Variants in MAMDC4 observed in about 807,000 individuals in gnomAD.
MAMDC4 encodes apical endosomal glycoprotein.
MAMDC4 carries 168 observed loss-of-function variants against 153.3 expected under a neutral mutation model. The ratio of observed to expected loss-of-function variants is 1.10; its 90% CI spans 0.97 to 1.25. The LOEUF (loss-of-function observed/expected upper bound fraction) is 1.25, where lower values mean the gene tolerates loss of function less well. Ranked by LOEUF, MAMDC4 falls within the 50% of genes most tolerant of loss-of-function variation. The pLI, the probability that MAMDC4 is intolerant of heterozygous loss-of-function variation, is 0.00. For synonymous variants in MAMDC4, 744 were observed against 651.5 expected, an observed-to-expected ratio of 1.14 and a Z score of -2.16; for missense variants, 1,701 against 1,542.8, an observed-to-expected ratio of 1.10 and a Z score of -1.72.
At position 136,856,286 on chromosome 9, in the gene MAMDC4, G is replaced by A. The variant is rs755303707; in HGVS notation, c.1720+137G>A. The stretch of plus-strand genomic sequence containing the variant: ...CCTGGCACTAGTTGTGGTGGACAAC[G>A]GCTCCCGGGAGCTGGCATGGCAGGC... On this transcript the variant is annotated intron_variant, in intron 14 of 26. Coordinates refer to ENST00000317446, the MANE Select transcript of MAMDC4 (RefSeq NM_206920.3). The A allele has an allele frequency of 1.1e-5, 15 of 1,391,244 alleles. No homozygotes were observed. The Admixed American group carries it at 1.7e-4, about 16-fold the overall frequency. 86.2% of individuals were successfully genotyped at this position (1,391,244 alleles called of 1,614,324 possible).
Position 136,857,054 on chromosome 9 carries a change from G to A in MAMDC4, c.1972+13G>A, listed in dbSNP as rs572126367. ...GGGCCCCAGATTGGTGAGTGGACCT[G>A]GAAACAGGGCAGAGCCTGTGGGGAG... On this transcript the variant is annotated intron_variant, in intron 16 of 26. Transcript: ENST00000317446. 8.1e-6 allele frequency: 13 copies of A among 1,609,090 alleles called. No individual in the cohort carries two copies. In the South Asian group the frequency reaches 8.8e-5, roughly 11 times the overall value.
chr9:136,853,741 A>G, intron 4 of MAMDC4, 36 bp from the exon 5 acceptor site: 2 of 1,606,274 alleles, frequency 1.2e-6, no homozygotes, highest in Non-Finnish European at 8.5e-7. Flanking sequence ...GGGGACAAGC[A>G]GGGCCGCAGC....
chr9:136,854,617 C>G lies in MAMDC4; in HGVS notation c.875C>G (p.Ala292Gly). 1.2e-6 allele frequency: 2 copies of G among 1,607,668 alleles called. No homozygotes were observed. The highest frequency in any genetic ancestry group is 8.5e-7 in the Non-Finnish European group (1 of 1,177,902). Residue 292 changes from alanine to glycine, a missense_variant, in exon 8 of 27, where the codon GCT (alanine) becomes GGT (glycine). Coordinates refer to ENST00000317446, the MANE Select transcript of MAMDC4 (RefSeq NM_206920.3). ...GAAGGCTGGTCCCGGAACCACCGCG[C>G]TGGTGGTCCTGAGCGCCCCTCCTGG... ...RSEGWSRNHRAGGPERPSWPR... is the reference protein window; with the variant it reads ...RSEGWSRNHRGGGPERPSWPR...
rs1848955746 is a variant in MAMDC4, at chr9:136,853,400, AG to A, written c.274del (p.Ala92ProfsTer51). On this transcript the variant is annotated frameshift_variant, in exon 3 of 27. Transcript: ENST00000317446. LOFTEE classifies it high-confidence loss of function. Reference protein sequence around the residue: ...SGYSWLRDRAGAALEGPGPHS... With the variant: ...SGYSWLRDRAXAALEGPGPHS... ...GCTACAGCTGGCTCCGAGACAGGGC[AG>A]GGGCCGCACTGGAGGGTCCTGGGCC... 1 of 1,605,154 alleles carries A rather than the reference AG, an allele frequency of 6.2e-7. No homozygotes were observed. The highest frequency in any genetic ancestry group is 1.3e-5 in the African/African-American group (1 of 74,782).
At chr9:136,860,154 G>T in intron 26 of MAMDC4, 90 bp downstream of exon 26, 3 of 1,394,696 alleles carry the variant, frequency 2.2e-6, no homozygotes, top group African/African-American at 1.4e-5. Flanking sequence ...ACCCCCCGGG[G>T]AGGAGCCCCC....
Position 136,857,533 on chromosome 9 carries a change from C to T in MAMDC4, c.2273C>T (p.Ser758Leu), listed in dbSNP as rs761301941. 9.9e-6 allele frequency: 16 copies of T among 1,611,224 alleles called. No individual in the cohort carries two copies. Among genetic ancestry groups the T allele is most frequent in the African/African-American group, 2.7e-5 (2 of 74,932 alleles). ...QGLWRRQANA[S>L]GHAAWGPPTD... is the part of the protein sequence containing the mutation. ...CTCTGGAGGCGGCAGGCCAATGCCT[C>T]GGGCCATGCTGCCTGGGGCCCCCCA... The change falls in exon 18 of 27, where the codon TCG becomes TTG. Residue 758 changes from serine (S) to leucine (L), a missense_variant. By Grantham distance (145) the Ser-to-Leu change is moderately radical. Transcript: ENST00000317446.
In MAMDC4 at chr9:136,856,911, C is replaced by CT. The variant is rs368979339; in HGVS notation, c.1845dup (p.Val616CysfsTer117). On this transcript the variant is annotated frameshift_variant, in exon 16 of 27. Transcript: ENST00000317446. LOFTEE classifies it high-confidence loss of function. ...ACAGCCCCATGCCCCCTGCAGGCCA[C>CT]TTTGTGCTCCTGGACCCCACAGACC... 9.1e-5 allele frequency: 147 copies of CT among 1,609,364 alleles called. No homozygotes were observed. In the African/African-American group the frequency reaches 1.7e-3, roughly 19 times the overall value.
At position 136,855,798 on chromosome 9, in the gene MAMDC4, G is replaced by C; in HGVS notation, c.1538G>C (p.Trp513Ser). ...GACGCCAGCGTGGGGCGGCTGCAGTGGCGGCGTGTCTCAGCCCAGGAGAGC... is the reference window on the plus strand; with the variant it reads ...GACGCCAGCGTGGGGCGGCTGCAGTCGCGGCGTGTCTCAGCCCAGGAGAGC... ...WEDASVGRLQ[W>S]RRVSAQESQG... Residue 513 changes from tryptophan (W) to serine (S), a missense_variant, in exon 13 of 27, where the codon TGG becomes TCG. By Grantham distance (177) the Trp-to-Ser change is radical. Coordinates refer to ENST00000317446, the MANE Select transcript of MAMDC4 (RefSeq NM_206920.3). 3.2e-6 allele frequency: 5 copies of C among 1,547,416 alleles called. No homozygotes were observed. The highest frequency in any genetic ancestry group is 4.4e-6 in the Non-Finnish European group (5 of 1,146,490).
Position 136,855,458 on chromosome 9 carries a change from C to T in MAMDC4, c.1310C>T (p.Pro437Leu), listed in dbSNP as rs745869950. 10 of 1,609,324 alleles carry T rather than the reference C, an allele frequency of 6.2e-6. No individual in the cohort carries two copies. The highest frequency in any genetic ancestry group is 8.5e-6 in the Non-Finnish European group (10 of 1,178,502). Residue 437 changes from proline (P) to leucine (L), a missense_variant, in exon 12 of 27, where the codon CCT becomes CTT. Transcript: ENST00000317446. ...GTGTCCACCCTGCAGCCGCTGCCTC[C>T]TGGGCCCCGGGCCCCAGCCCCCCAG... is the stretch of plus-strand genomic sequence containing the variant. ...SEVSTLQPLP[P>L]GPRAPAPQPL... is the part of the protein sequence containing the mutation.
At position 136,853,096 on chromosome 9, in the gene MAMDC4, C is replaced by T. The variant is rs1848949197; in HGVS notation, c.47-6C>T. ...CCAGGCCACCTGGCTGTCAACCTCC[C>T]AGCAGCAGGGTCCTCAGGCTGGGCC... On this transcript the variant is annotated splice_polypyrimidine_tract_variant and splice_region_variant and intron_variant, in intron 1 of 26. Coordinates refer to ENST00000317446, the MANE Select transcript of MAMDC4 (RefSeq NM_206920.3). 2 of 1,611,660 alleles carry T rather than the reference C, an allele frequency of 1.2e-6. No homozygotes were observed. Among genetic ancestry groups the T allele is most frequent in the Admixed American group, 1.7e-5 (1 of 59,938 alleles).
At position 136,858,808 on chromosome 9, in the gene MAMDC4, T is replaced by G. The variant is rs1849045804; in HGVS notation, c.2911T>G (p.Ser971Ala). Reference protein sequence around the residue: ...RSEPLPATPASCLRFWYHMGF... With the variant: ...RSEPLPATPAACLRFWYHMGF... ...CGAGCCTCTGCCGGCCACCCCAGCC[T>G]CCTGCCTCCGCTTCTGGTACCACAT... The change falls in exon 23 of 27, where the codon TCC becomes GCC. Residue 971 changes from serine (S) to alanine (A), a missense_variant. Physicochemically the swap from Ser to Ala is moderately conservative, Grantham distance 99. Transcript: ENST00000317446. The G allele has an allele frequency of 6.2e-7, 1 of 1,610,612 alleles. No homozygotes were observed. The highest frequency in any genetic ancestry group is 2.2e-5 in the East Asian group (1 of 44,816).
At position 136,857,562 on chromosome 9, in the gene MAMDC4, G is replaced by A; in HGVS notation, c.2302G>A (p.Asp768Asn). 1 of 1,612,290 alleles carries A rather than the reference G, an allele frequency of 6.2e-7. No individual in the cohort carries two copies. The highest frequency in any genetic ancestry group is 8.5e-7 in the Non-Finnish European group (1 of 1,179,940). ...SGHAAWGPPTDHTTETAQGHY... is the reference protein window; with the variant it reads ...SGHAAWGPPTNHTTETAQGHY... ...CCATGCTGCCTGGGGCCCCCCAACA[G>A]ACCATACCACTGAGACAGCCCAAGG... Residue 768 changes from aspartate (D) to asparagine (N), a missense_variant, in exon 18 of 27, where the codon GAC becomes AAC. By Grantham distance (23) the Asp-to-Asn change is conservative. Transcript: ENST00000317446.
chr9:136,859,412 C>G, intron 25 of MAMDC4, 95 bp downstream of exon 25: 1 of 1,120,658 alleles, frequency 8.9e-7, no homozygotes, highest in South Asian at 1.5e-5. Context: ...GTCCCAGGAG[C>G]TGCGAGCATG....
rs1223586797 is a variant in MAMDC4, at chr9:136,854,081, G to C, written c.670+5G>C. On this transcript the variant is annotated splice_donor_5th_base_variant and intron_variant, in intron 6 of 26. Transcript: ENST00000317446. ...TCTGGGACTGTGGTCTGCCCAGTAA[G>C]GCACCGCCTCTTCCTGTTCCACCCC... is the stretch of plus-strand genomic sequence containing the variant. The C allele has an allele frequency of 3.7e-6, 6 of 1,612,536 alleles. No homozygotes were observed. Among genetic ancestry groups the C allele is most frequent in the Non-Finnish European group, 5.1e-6 (6 of 1,179,886 alleles).
Position 136,857,676 on chromosome 9 carries a change from G to A in MAMDC4, c.2344G>A (p.Asp782Asn), listed in dbSNP as rs1477020984. 1.2e-6 allele frequency: 2 copies of A among 1,612,576 alleles called. No homozygotes were observed. Among genetic ancestry groups the A allele is most frequent in the Non-Finnish European group, 1.7e-6 (2 of 1,179,830 alleles). The change falls in exon 19 of 27, where the codon GAC (aspartate) becomes AAC (asparagine). Residue 782 changes from aspartate (D) to asparagine (N), a missense_variant. Transcript: ENST00000317446. ...ACCTCCAGGGCACTACATGGTGGTG[G>A]ACACAAGCCCAGACGCACTACCCCG... ...ETAQGHYMVVDTSPDALPRGQ... is the reference protein window; with the variant it reads ...ETAQGHYMVVNTSPDALPRGQ...
At position 136,857,777 on chromosome 9, in the gene MAMDC4, C is replaced by T. The variant is rs766291431; in HGVS notation, c.2445C>T (p.His815=). Residue 815 remains histidine, a synonymous_variant, in exon 19 of 27, where the codon CAC becomes CAT. Coordinates refer to ENST00000317446, the MANE Select transcript of MAMDC4 (RefSeq NM_206920.3). ...AQPACLTFWY[H]GSLRSPGTLR... ...CTGCTTGTCTGACCTTCTGGTACCA[C>T]GGGAGCCTCCGCAGCCCAGGTGAGG... is the stretch of plus-strand genomic sequence containing the variant. 7 of 1,612,298 alleles carry T rather than the reference C, an allele frequency of 4.3e-6. No homozygotes were observed. The African/African-American group carries it at 8.0e-5, about 18-fold the overall frequency.
intron 13 of MAMDC4, 31 bp downstream of exon 13, chr9:136,855,879 C>G (rs754466664): frequency 4.7e-6 from 7 of 1,475,244 alleles, no homozygotes; most frequent in African/African-American, 2.8e-5. Context: ...CTCAAGCCCC[C>G]GCCCGGGTGT....
rs1476795863 is a variant in MAMDC4 at position 136,855,428 on chromosome 9, C to T, written c.1283-3C>T. ...CCTCCTGACACCAGTTCTGCCCCCACAGAGGTGTCCACCCTGCAGCCGCTG... is the reference window on the plus strand; with the variant it reads ...CCTCCTGACACCAGTTCTGCCCCCATAGAGGTGTCCACCCTGCAGCCGCTG... On this transcript the variant is annotated splice_polypyrimidine_tract_variant and splice_region_variant and intron_variant, in intron 11 of 26. Transcript: ENST00000317446. 1 of 1,608,986 alleles carries T rather than the reference C, an allele frequency of 6.2e-7. No individual in the cohort carries two copies. Among genetic ancestry groups the T allele is most frequent in the South Asian group, 1.1e-5 (1 of 90,680 alleles).
At position 136,860,574 on chromosome 9, in the gene MAMDC4, C is replaced by T; in HGVS notation, c.3385C>T (p.Leu1129Phe). 1 of 1,612,886 alleles carries T rather than the reference C, an allele frequency of 6.2e-7. No individual in the cohort carries two copies. The highest frequency in any genetic ancestry group is 8.5e-7 in the Non-Finnish European group (1 of 1,179,852). The change falls in exon 27 of 27, where the codon CTC (leucine) becomes TTC (phenylalanine). Residue 1129 changes from leucine (L) to phenylalanine (F), a missense_variant. Transcript: ENST00000317446. ...NILFNADGVT[L>F]PASVTSDP ...TTCCTCCTCCTAGGATGGTGTCACC[C>T]TCCCGGCATCTGTCACCAGTGATCC...
Sources: gnomAD v4.1 joint callset for allele counts on GRCh38, gnomAD v4.1.1 for gene constraint, MANE v1.5 for transcripts, NCBI Gene and HGNC (gene_info 2026-07-23, HGNC 2026-07-21) for gene names.